The following CNTN6 variants were observed in gnomAD, a reference collection of about 807,000 sequenced individuals.
The protein encoded by CNTN6 is contactin-6.
CNTN6 carries 137 observed loss-of-function variants against 122.8 expected under a neutral mutation model. That is an observed-to-expected ratio of 1.12 (90% confidence interval 0.97 to 1.29). The LOEUF (loss-of-function observed/expected upper bound fraction) is 1.29. Among genes scored for constraint, CNTN6 ranks in the 50% most tolerant of loss-of-function variants. CNTN6 has a pLI of 0.00. For synonymous variants in CNTN6, 570 were observed against 426.0 expected (o/e 1.34, Z -4.16); for missense variants, 1,634 against 1,223.4 (o/e 1.34, Z -5.01).
At chr3:1,199,231 A>G (rs1481167201) in intron 2 of CNTN6, among the ~76,000 whole-genome samples, 1 of 139,904 alleles carries the variant, frequency 7.1e-6, no homozygotes, top group Non-Finnish European at 1.5e-5. Context: ...CAGTCTGGAG[A>G]GCAGTGACAC....
chr3:1,260,776 T>A (rs998178845), intron 4 of CNTN6, among the ~76,000 whole-genome samples: 2 of 152,020 alleles, frequency 1.3e-5, no homozygotes, highest in Admixed American at 1.3e-4. Flanking sequence ...TTTTGCTTGG[T>A]ACCTCTACCT....
intron 4 of CNTN6, among the ~76,000 whole-genome samples, chr3:1,228,261 A>G (rs1244123652): frequency 6.6e-6 from 1 of 152,200 alleles, no homozygotes; most frequent in African/African-American, 2.4e-5. Flanking sequence ...TTTCAGACAT[A>G]AATATTAAGA....
At chr3:1,225,135 A>G (rs1220614358) in intron 3 of CNTN6, among the ~76,000 whole-genome samples, 1 of 152,166 alleles carries the variant, frequency 6.6e-6, no homozygotes, top group Non-Finnish European at 1.5e-5. Flanking sequence ...CACATCCATT[A>G]TGTTTTCTGG....
intron 12 of CNTN6, among the ~76,000 whole-genome samples, chr3:1,371,219 G>A (rs1575912842): frequency 6.6e-6 from 1 of 152,116 alleles, no homozygotes; most frequent in Non-Finnish European, 1.5e-5. Context: ...GCAGAATGAA[G>A]AAGGTAGAAG....
At position 1,253,694 on chromosome 3, in the gene CNTN6, A is replaced by G. The variant is rs368547392; in HGVS notation, c.359-24719A>G. ...AGATCCCTCGTATGCGCAGTTCACA[A>G]TAGGGTTCACACTCCTATAAGGATC... is the stretch of plus-strand genomic sequence containing the variant. On this transcript the variant is annotated intron_variant, in intron 4 of 22. Coordinates refer to ENST00000446702, the MANE Select transcript of CNTN6 (RefSeq NM_001289080.2). Among the ~76,000 whole-genome samples, 16 of 152,162 alleles carry G rather than the reference A, an allele frequency of 1.1e-4. No individual in the cohort carries two copies. The East Asian group carries it at 2.9e-3, about 28-fold the overall frequency.
chr3:1,179,349 A>G (rs1401551401), intron 2 of CNTN6, among the ~76,000 whole-genome samples: 4 of 152,148 alleles, frequency 2.6e-5, no homozygotes, highest in African/African-American at 9.7e-5. Flanking sequence ...CGGAGTCTCT[A>G]CCCACACACT....
chr3:1,264,355 T>G (rs2125718283), intron 4 of CNTN6, among the ~76,000 whole-genome samples: 1 of 152,284 alleles, frequency 6.6e-6, no homozygotes, highest in African/African-American at 2.4e-5. Context: ...ACATTTAAAT[T>G]ACTGTTATAG....
chr3:1,142,003 T>C (rs982114114), intron 1 of CNTN6, among the ~76,000 whole-genome samples: 7 of 152,146 alleles, frequency 4.6e-5, no homozygotes, highest in Non-Finnish European at 5.9e-5. Flanking sequence ...GTACCATCTC[T>C]GTTTAGGATA....
At chr3:1,361,236 AC>A (rs1197882371) in intron 12 of CNTN6, among the ~76,000 whole-genome samples, 1 of 152,148 alleles carries the variant, frequency 6.6e-6, no homozygotes, top group Non-Finnish European at 1.5e-5. Flanking sequence ...ATTTGGACCA[AC>A]TGTTGATAAA....
At chr3:1,246,655 T>G (rs528855521) in intron 4 of CNTN6, among the ~76,000 whole-genome samples, 2 of 152,256 alleles carry the variant, frequency 1.3e-5, no homozygotes, top group East Asian at 3.9e-4. Flanking sequence ...TCCAGTAATG[T>G]TTTTTTCTAT....
At chr3:1,253,474 A>G (rs527900842) in intron 4 of CNTN6, among the ~76,000 whole-genome samples, 3 of 152,274 alleles carry the variant, frequency 2.0e-5, no homozygotes, top group South Asian at 4.1e-4. Context: ...CTTGCAGGTA[A>G]TTTTGTCTGC....
At chr3:1,358,566 C>G (rs1706964263) in intron 12 of CNTN6, among the ~76,000 whole-genome samples, 6 of 151,662 alleles carry the variant, frequency 4.0e-5, no homozygotes. Context: ...CAAGTAGTTA[C>G]CAAATGCTTT....
At chr3:1,101,008 C>T (rs1010014181) in intron 1 of CNTN6, among the ~76,000 whole-genome samples, 2 of 152,112 alleles carry the variant, frequency 1.3e-5, no homozygotes, top group African/African-American at 2.4e-5. Context: ...CTATGGGAGA[C>T]CAACCTTGTT....
At chr3:1,149,588 G>A (rs1306217743) in intron 2 of CNTN6, among the ~76,000 whole-genome samples, 3 of 152,266 alleles carry the variant, frequency 2.0e-5, no homozygotes, top group East Asian at 3.9e-4. Flanking sequence ...GCAGCTAGAA[G>A]TGCCATAGTT....
chr3:1,221,706 G>A (rs2094209867), intron 3 of CNTN6, among the ~76,000 whole-genome samples: 1 of 152,146 alleles, frequency 6.6e-6, no homozygotes, highest in South Asian at 2.1e-4. Context: ...AAAAATATAT[G>A]CATACGTAAA....
At chr3:1,381,184 T>C (rs1323557843) in intron 17 of CNTN6, among the ~76,000 whole-genome samples, 1 of 152,180 alleles carries the variant, frequency 6.6e-6, no homozygotes, top group Non-Finnish European at 1.5e-5. Flanking sequence ...AAATCCGAGA[T>C]GAAAGAAACT....
At chr3:1,373,131 G>A (rs987766786) in intron 14 of CNTN6, among the ~76,000 whole-genome samples, 176 bp downstream of exon 14, 1 of 152,028 alleles carries the variant, frequency 6.6e-6, no homozygotes, top group Admixed American at 6.6e-5. Flanking sequence ...ATACAGACAT[G>A]GAACTGTGTG....
chr3:1,096,912 C>A (rs917962520), intron 1 of CNTN6, among the ~76,000 whole-genome samples: 1 of 152,144 alleles, frequency 6.6e-6, no homozygotes, highest in Non-Finnish European at 1.5e-5. Context: ...CGACCACTGC[C>A]ACCTTTTATA....
intron 20 of CNTN6, among the ~76,000 whole-genome samples, chr3:1,393,813 T>G (rs375828704): frequency 6.6e-6 from 1 of 152,166 alleles, no homozygotes; most frequent in Non-Finnish European, 1.5e-5. Flanking sequence ...AAGAGAGAGA[T>G]ATATCCATAT....
Sources: gnomAD v4.1 joint callset for allele counts (sites outside exome capture counted in the v4.1 genomes callset) on GRCh38, gnomAD v4.1.1 for gene constraint, MANE v1.5 for transcripts, NCBI Gene and HGNC (gene_info 2026-07-23, HGNC 2026-07-21) for gene names.